CLDN14: variants seen among roughly 807,000 people sequenced by gnomAD.
CLDN14 encodes the protein claudin 14.
In CLDN14, 2 loss-of-function variants were observed where a neutral mutation model predicts 2.1. That is an observed-to-expected ratio of 0.96 (90% CI 0.39 to 3.01). The LOEUF is 3.01. CLDN14 is among the 30% of genes most tolerant of loss of function. CLDN14 has a pLI of 0.09. For missense variants in CLDN14, 298 were observed against 328.0 expected (o/e 0.91, Z 0.71); for synonymous variants, 136 against 154.4 (o/e 0.88, Z 0.88).
At chr21:36,567,011 A>G (rs761970480) in intron 1 of CLDN14, among the ~76,000 whole-genome samples, 3 of 152,186 alleles carry the variant, frequency 2.0e-5, no homozygotes, top group Non-Finnish European at 4.4e-5. Flanking sequence ...GCAAACATGA[A>G]AGATGCTGGA....
chr21:36,566,557 C>T (rs139700607), intron 1 of CLDN14, among the ~76,000 whole-genome samples: 2 of 152,336 alleles, frequency 1.3e-5, no homozygotes, highest in African/African-American at 4.8e-5. Flanking sequence ...TGGGGCCTCA[C>T]GGTCACTGCA....
chr21:36,508,992 C>T (rs377092386), intron 2 of CLDN14, among the ~76,000 whole-genome samples: 3 of 152,334 alleles, frequency 2.0e-5, no homozygotes, highest in East Asian at 3.9e-4. Context: ...GGCTGCTCCC[C>T]GCTGGCCCTT....
intron 1 of CLDN14, among the ~76,000 whole-genome samples, chr21:36,530,252 A>C (rs2087368675): frequency 1.3e-5 from 2 of 151,676 alleles, no homozygotes; most frequent in African/African-American, 4.8e-5. Context: ...AAATGAAGAC[A>C]CAGCCTGGAT....
intron 1 of CLDN14, among the ~76,000 whole-genome samples, chr21:36,528,214 A>G (rs1004475116): frequency 6.6e-5 from 10 of 152,208 alleles, no homozygotes; most frequent in Admixed American, 5.9e-4. Flanking sequence ...TTAATAAGGT[A>G]TGAATAATTA....
At chr21:36,512,130 C>T (rs2087191592) in intron 1 of CLDN14, among the ~76,000 whole-genome samples, 1 of 152,166 alleles carries the variant, frequency 6.6e-6, no homozygotes, top group African/African-American at 2.4e-5. Flanking sequence ...TAGCTGAGCG[C>T]TCTAAATTGA....
chr21:36,471,751 T>C (rs2086713531), intron 1 of CLDN14, among the ~76,000 whole-genome samples: 1 of 152,220 alleles, frequency 6.6e-6, no homozygotes, highest in South Asian at 2.1e-4. Flanking sequence ...CTGAAAACCT[T>C]CATGAATTAG....
intron 2 of CLDN14, among the ~76,000 whole-genome samples, chr21:36,495,945 G>A (rs1333686084): frequency 1.3e-5 from 2 of 152,144 alleles, no homozygotes; most frequent in Non-Finnish European, 2.9e-5. Context: ...GGGATGGCCA[G>A]GCCCCACTGG....
chr21:36,533,124 A>C (rs1243625705), intron 1 of CLDN14, among the ~76,000 whole-genome samples: 1 of 152,218 alleles, frequency 6.6e-6, no homozygotes, highest in African/African-American at 2.4e-5. Context: ...CAGAAAACAC[A>C]TTCGGTGGGG....
intron 1 of CLDN14, among the ~76,000 whole-genome samples, chr21:36,469,036 A>C (rs1537102): frequency 6.6e-6 from 1 of 152,184 alleles, no homozygotes; most frequent in Non-Finnish European, 1.5e-5. Flanking sequence ...CTAGGATTAC[A>C]GGTGTGAGCC....
chr21:36,527,871 TCTGGTTTTTAGGAAGAATC>T (rs1418645658), intron 1 of CLDN14, among the ~76,000 whole-genome samples: 3 of 152,180 alleles, frequency 2.0e-5, no homozygotes, highest in Admixed American at 2.0e-4. Context: ...ACATTTAAGC[TCTGGTTTTTAGGAAGAATC>T]CTGGTTTTGG....
chr21:36,498,700 A>G lies in CLDN14; in HGVS notation c.-82+11663T>C, dbSNP rs1335790711. Among the ~76,000 whole-genome samples the G allele has an allele frequency of 1.3e-5, 2 of 152,166 alleles. No homozygotes were observed. The highest frequency in any genetic ancestry group is 2.9e-5 in the Non-Finnish European group (2 of 68,028). ...ATCTGGCTGTGGCAGACAGCAGCCT[A>G]CAGAAAGGTGGGGGCACCTCTCAGC... On this transcript the variant is annotated intron_variant, in intron 2 of 2. Coordinates refer to the CLDN14 transcript ENST00000342108. This position sits in a 1 kb window ranked among gnomAD's most constrained non-coding sequence, Gnocchi z 4.9.
chr21:36,504,673 T>C (rs1372696433), intron 2 of CLDN14, among the ~76,000 whole-genome samples: 2 of 152,232 alleles, frequency 1.3e-5, no homozygotes, highest in Non-Finnish European at 2.9e-5. Flanking sequence ...TGCTTCCCTT[T>C]TATCCACATC....
Position 36,477,173 on chromosome 21 carries a change from C to G in CLDN14, c.-82+2322G>C, listed in dbSNP as rs369898854. On this transcript the variant is annotated intron_variant, in intron 1 of 1. Transcript: ENST00000399135. ...AACATCAAGCCAAGTGCAAGCCTGT[C>G]TGAGCACGGGGCTCCCTGTAACTGC... Among the ~76,000 whole-genome samples, 9 of 152,234 alleles carry G rather than the reference C, an allele frequency of 5.9e-5. No homozygotes were observed. In the East Asian group the frequency reaches 9.6e-4, roughly 16 times the overall value.
At chr21:36,510,256 T>A (rs1225947656) in intron 2 of CLDN14, 1 of 152,222 alleles carries the variant, frequency 6.6e-6, no homozygotes, top group Admixed American at 6.5e-5. Flanking sequence ...TTTGGCCAGT[T>A]CCGTTTTGAC....
chr21:36,527,697 A>C (rs1299615158), intron 1 of CLDN14, among the ~76,000 whole-genome samples: 2 of 152,242 alleles, frequency 1.3e-5, no homozygotes, highest in African/African-American at 4.8e-5. Flanking sequence ...GGGAGAAAAT[A>C]GGAGAAACAA....
intron 1 of CLDN14, among the ~76,000 whole-genome samples, chr21:36,539,732 G>C (rs926910968): frequency 6.7e-6 from 1 of 149,436 alleles, no homozygotes; most frequent in Non-Finnish European, 1.5e-5. Flanking sequence ...TGTGTGGAGT[G>C]AGTATGTGTG....
At chr21:36,493,100 G>A (rs1024979243) in intron 2 of CLDN14, among the ~76,000 whole-genome samples, 4 of 152,216 alleles carry the variant, frequency 2.6e-5, no homozygotes, top group Admixed American at 6.5e-5. Flanking sequence ...TGTTGAGCAC[G>A]TGTTTTGTTT....
intron 2 of CLDN14, among the ~76,000 whole-genome samples, chr21:36,490,389 T>C (rs1434575671): frequency 7.3e-6 from 1 of 136,774 alleles, no homozygotes; most frequent in Non-Finnish European, 1.6e-5. Flanking sequence ...TTTTTAATTT[T>C]TTTTTTTTTT....
chr21:36,523,067 C>T (rs1039536336), intron 1 of CLDN14, among the ~76,000 whole-genome samples: 1 of 152,212 alleles, frequency 6.6e-6, no homozygotes, highest in Admixed American at 6.5e-5. Flanking sequence ...TCCCCAGGGA[C>T]ACTCACTGTC....
Sources: gnomAD v4.1 joint callset for allele counts (sites outside exome capture counted in the v4.1 genomes callset) on GRCh38, gnomAD v4.1.1 for gene constraint, Gnocchi (gnomAD v3.1) non-coding constraint, MANE v1.5 for transcripts, NCBI Gene and HGNC (gene_info 2026-07-23, HGNC 2026-07-21) for gene names.